Variants in PDE3B observed in about 807,000 individuals in gnomAD.
PDE3B encodes the protein cGMP-inhibited 3',5'-cyclic phosphodiesterase 3B.
Under a neutral mutation model 116.8 loss-of-function variants are expected in PDE3B, and 66 were observed. That is an observed-to-expected ratio of 0.56 (90% confidence interval 0.46 to 0.69). The LOEUF is 0.69. Among genes scored for constraint, PDE3B ranks in the 30% least tolerant of loss-of-function variants. The probability of loss-of-function intolerance (pLI) is 0.00; values close to 1 mark genes in which losing one functional copy is unlikely to be tolerated. For missense variants in PDE3B, 1,384 were observed against 1,368.1 expected, an observed-to-expected ratio of 1.01 and a Z score of -0.18; for synonymous variants, 595 against 533.6, an observed-to-expected ratio of 1.12 and a Z score of -1.59.
At chr11:14,753,698 C>T (rs1185791785) in intron 1 of PDE3B, among the ~76,000 whole-genome samples, 1 of 151,966 alleles carries the variant, frequency 6.6e-6, no homozygotes, top group Non-Finnish European at 1.5e-5. Context: ...AACAAAGTAT[C>T]CCTTTTAGAG....
At chr11:14,688,142 T>TCTCC (rs1834673609) in intron 1 of PDE3B, among the ~76,000 whole-genome samples, 1 of 101,414 alleles carries the variant, frequency 9.9e-6, no homozygotes, top group East Asian at 3.0e-4. Flanking sequence ...TCTCTCTCTC[T>TCTCC]CCCTCCCTCC....
the PDE3B span, among the ~76,000 whole-genome samples, chr11:14,884,323 C>A: frequency 6.6e-6 from 1 of 151,936 alleles, no homozygotes; most frequent in African/African-American, 2.4e-5. Context: ...AAATGTGGCA[C>A]ATATACACCA....
At position 14,643,928 on chromosome 11, in the gene PDE3B, G is replaced by A. The variant is rs1853270048; in HGVS notation, c.-148G>A. 2 of 1,213,520 alleles carry A rather than the reference G, an allele frequency of 1.6e-6. No individual in the cohort carries two copies. The highest frequency in any genetic ancestry group is 2.1e-6 in the Non-Finnish European group (2 of 936,340). The allele number at this position is 1,213,520 out of a possible 1,614,324, so 75.2% of individuals were successfully genotyped here. A position where few individuals can be genotyped will look rare whatever the true frequency, so the allele number is the denominator to read the frequency against. ...CGCCGCTCCTCAGTCCGCGCGGTGG[G>A]GACCCCGGGCCGTGGCGGCCGGCGC... On this transcript the variant is annotated 5_prime_UTR_variant, in exon 1 of 16. Transcript: ENST00000282096.
chr11:14,880,935 A>G, the PDE3B span, among the ~76,000 whole-genome samples: 2 of 152,216 alleles, frequency 1.3e-5, no homozygotes, highest in South Asian at 4.1e-4. Flanking sequence ...CCAGAGTATT[A>G]TAACAGATAA....
chr11:14,875,896 G>A (rs965251156), downstream of PDE3B, among the ~76,000 whole-genome samples: 1 of 152,080 alleles, frequency 6.6e-6, no homozygotes, highest in Non-Finnish European at 1.5e-5. Context: ...AATTTGTCAG[G>A]CTTACATTAA....
chr11:14,765,403 G>A (rs539093040), intron 1 of PDE3B, among the ~76,000 whole-genome samples: 89 of 151,866 alleles, frequency 5.9e-4, no homozygotes, highest in Non-Finnish European at 1.0e-4. Context: ...TGGTGGTTTT[G>A]TAGAGCTCCG....
At chr11:14,800,451 A>G (rs932123168) in intron 4 of PDE3B, among the ~76,000 whole-genome samples, 6 of 151,992 alleles carry the variant, frequency 3.9e-5, no homozygotes. Context: ...GGTGACAGAG[A>G]GAGACTCCAT....
chr11:14,740,925 T>G (rs1167827144), intron 1 of PDE3B, among the ~76,000 whole-genome samples: 1 of 152,246 alleles, frequency 6.6e-6, no homozygotes, highest in Non-Finnish European at 1.5e-5. Flanking sequence ...GTGAGTTTCT[T>G]AATCCTAAGT....
chr11:14,814,822 C>A (rs1434212691), intron 5 of PDE3B, among the ~76,000 whole-genome samples: 1 of 151,942 alleles, frequency 6.6e-6, no homozygotes, highest in African/African-American at 2.4e-5. Context: ...ATTAGCTGGG[C>A]GTGGTGGCGG....
intron 4 of PDE3B, among the ~76,000 whole-genome samples, chr11:14,789,764 A>G (rs1035690020): frequency 2.0e-5 from 3 of 152,018 alleles, no homozygotes; most frequent in Admixed American, 6.6e-5. Context: ...GAACAATGCT[A>G]ATCTTATAAA....
At chr11:14,816,684 T>C (rs1369724667) in intron 5 of PDE3B, among the ~76,000 whole-genome samples, 1 of 152,248 alleles carries the variant, frequency 6.6e-6, no homozygotes, top group Admixed American at 6.5e-5. Flanking sequence ...TTCCAGCATA[T>C]AGTAAGCTCT....
At chr11:14,713,071 G>A (rs1855756846) in intron 1 of PDE3B, among the ~76,000 whole-genome samples, 1 of 152,156 alleles carries the variant, frequency 6.6e-6, no homozygotes, top group Admixed American at 6.5e-5. Context: ...TATGTGTAAG[G>A]TACTAGGATA....
chr11:14,789,164 G>A lies in PDE3B; in HGVS notation c.1337G>A (p.Gly446Glu). Residue 446 changes from glycine to glutamate, a missense_variant, in exon 4 of 16, where the codon GGA (glycine) becomes GAA (glutamate). Transcript: ENST00000282096. ...PQLRRSSGTS[G>E]LLPVEQSSRW... is the part of the protein sequence containing the mutation. ...CTGAGGAGAAGCTCAGGAACTTCAGGATTGCTACCTGTTGAACAGTCTTCA... is the reference window on the plus strand; with the variant it reads ...CTGAGGAGAAGCTCAGGAACTTCAGAATTGCTACCTGTTGAACAGTCTTCA... The A allele has an allele frequency of 6.2e-7, 1 of 1,611,006 alleles. No individual in the cohort carries two copies. Among genetic ancestry groups the A allele is most frequent in the Non-Finnish European group, 8.5e-7 (1 of 1,177,732 alleles).
chr11:14,784,575 A>C (rs1259700856), intron 2 of PDE3B, among the ~76,000 whole-genome samples: 1 of 152,196 alleles, frequency 6.6e-6, no homozygotes. Context: ...AGATGGAATC[A>C]TAAAAATATT....
intron 1 of PDE3B, among the ~76,000 whole-genome samples, chr11:14,748,376 A>G (rs974136068): frequency 6.6e-6 from 1 of 152,144 alleles, no homozygotes. Context: ...TTTTTTTTCT[A>G]TGTATTTTTA....
chr11:14,699,946 T>C (rs1444515935), intron 1 of PDE3B, among the ~76,000 whole-genome samples: 1 of 151,786 alleles, frequency 6.6e-6, no homozygotes, highest in Non-Finnish European at 1.5e-5. Flanking sequence ...AGTGGCAGTA[T>C]TTCTTGACAA....
intron 1 of PDE3B, among the ~76,000 whole-genome samples, chr11:14,660,440 T>C (rs943734871): frequency 1.3e-5 from 2 of 151,882 alleles, no homozygotes; most frequent in African/African-American, 2.4e-5. Context: ...TAGCTGGGGC[T>C]ACAGGCACGT....
chr11:14,821,705 A>T (rs1859518002), intron 7 of PDE3B, among the ~76,000 whole-genome samples: 1 of 152,160 alleles, frequency 6.6e-6, no homozygotes, highest in Non-Finnish European at 1.5e-5. Context: ...ATCATCATCT[A>T]ATCAATTAAT....
At chr11:14,698,052 A>G (rs185709368) in intron 1 of PDE3B, among the ~76,000 whole-genome samples, 2 of 152,024 alleles carry the variant, frequency 1.3e-5, no homozygotes, top group East Asian at 1.9e-4. Context: ...ATAGTGGACA[A>G]TCTTCTTTTC....
Sources: gnomAD v4.1 joint callset for allele counts (sites outside exome capture counted in the v4.1 genomes callset) on GRCh38, gnomAD v4.1.1 for gene constraint, MANE v1.5 for transcripts, NCBI Gene and HGNC (gene_info 2026-07-23, HGNC 2026-07-21) for gene names.